Variants in ARHGEF7 observed in about 807,000 individuals in gnomAD.
ARHGEF7 encodes PAK-interacting exchange factor beta.
Under a neutral mutation model 109.8 loss-of-function variants are expected in ARHGEF7, and 33 were observed. The ratio of observed to expected loss-of-function variants is 0.30; its 90% CI spans 0.23 to 0.40. ARHGEF7 has a LOEUF of 0.40. Among genes scored for constraint, ARHGEF7 ranks in the 10% least tolerant of loss-of-function variants. The pLI is 1.00. For missense variants in ARHGEF7, 938 were observed against 1,098.5 expected, an observed-to-expected ratio of 0.85 and a Z score of 2.07; for synonymous variants, 458 against 424.6, an observed-to-expected ratio of 1.08 and a Z score of -0.97.
In ARHGEF7 at chr13:111,122,066, G is replaced by C. The variant is rs544334446; in HGVS notation, c.165+6375G>C. Among the ~76,000 whole-genome samples, 14 of 152,310 alleles carry C rather than the reference G, an allele frequency of 9.2e-5. 1 individual carries two copies. The highest frequency in any genetic ancestry group is 3.1e-4 in the African/African-American group (13 of 41,576). On this transcript the variant is annotated intron_variant, in intron 1 of 21. Coordinates refer to ENST00000646102, the MANE Select transcript of ARHGEF7 (RefSeq NM_001354046.2). ...AACACGGGTTAATTCTCACAACAGG[G>C]CAGACTCTTGCAACTTTCGGGGGCT...
intron 2 of ARHGEF7, among the ~76,000 whole-genome samples, chr13:111,160,541 TCTAGGGAGAGAC>T (rs1164395055): frequency 6.6e-6 from 1 of 152,238 alleles, no homozygotes; most frequent in South Asian, 2.1e-4. Context: ...AATCCCCACG[TCTAGGGAGAGAC>T]CTAGGGAGAG....
chr13:111,202,445 A>G (rs534909457), intron 2 of ARHGEF7, among the ~76,000 whole-genome samples: 1 of 152,288 alleles, frequency 6.6e-6, no homozygotes, highest in Non-Finnish European at 1.5e-5. Context: ...CCTGCTGAGA[A>G]TTGCTGCTCC....
intron 20 of ARHGEF7, 83 bp from the exon 21 acceptor site, chr13:111,301,395 T>C: frequency 8.7e-7 from 1 of 1,154,600 alleles, no homozygotes. Context: ...CCTCTCAGCA[T>C]CGTAGTGTCT....
chr13:111,130,180 G>A (rs765971783), intron 1 of ARHGEF7, among the ~76,000 whole-genome samples: 11 of 152,294 alleles, frequency 7.2e-5, no homozygotes, highest in East Asian at 1.9e-4. Context: ...TGCTCGCTTG[G>A]GGACAATAGC....
At position 111,186,909 on chromosome 13, in the gene ARHGEF7, G is replaced by A; in HGVS notation, c.253-18380G>A. ...CGACTACTTCTTTCCCCATTTCCCG[G>A]TCTGGTCTTTTTGGGGTCTACTACG... On this transcript the variant is annotated intron_variant, in intron 2 of 21. Transcript: ENST00000646102. 7 of 985,564 alleles carry A rather than the reference G, an allele frequency of 7.1e-6. No homozygotes were observed. The South Asian group carries it at 2.3e-4, about 33-fold the overall frequency. The allele number at this position is 985,564 out of a possible 1,614,324, so 61.1% of individuals were successfully genotyped here.
intron 2 of ARHGEF7, among the ~76,000 whole-genome samples, chr13:111,199,426 G>A (rs534456859): frequency 7.0e-4 from 107 of 152,328 alleles, no homozygotes; most frequent in Non-Finnish European, 1.2e-3. Context: ...ATTTCTGCTA[G>A]TAGTCGTCCT....
chr13:111,175,527 G>C (rs1269278957), intron 2 of ARHGEF7, among the ~76,000 whole-genome samples: 2 of 152,220 alleles, frequency 1.3e-5, no homozygotes, highest in African/African-American at 4.8e-5. Context: ...GAGCCTGCCT[G>C]CTGCAGGCTG....
intron 1 of ARHGEF7, among the ~76,000 whole-genome samples, chr13:111,133,168 T>C (rs1345260765): frequency 6.6e-6 from 1 of 152,128 alleles, no homozygotes; most frequent in African/African-American, 2.4e-5. Context: ...TATATGTGTA[T>C]ATATGTGCAC....
chr13:111,252,536 G>T (rs940159465), intron 8 of ARHGEF7, among the ~76,000 whole-genome samples: 5 of 152,240 alleles, frequency 3.3e-5, no homozygotes, highest in African/African-American at 9.6e-5. Flanking sequence ...GAAGAGAGCT[G>T]TAGAAGAATT....
At chr13:111,285,550 G>A (rs113864579) in intron 16 of ARHGEF7, among the ~76,000 whole-genome samples, 1,793 of 152,314 alleles carry the variant, frequency 0.012, 16 homozygotes, top group Middle Eastern at 0.037. Context: ...CCATTCCGTT[G>A]TGAACACTCT....
chr13:111,251,690 G>A (rs904776671), intron 8 of ARHGEF7, among the ~76,000 whole-genome samples: 4 of 152,234 alleles, frequency 2.6e-5, no homozygotes, highest in Non-Finnish European at 5.9e-5. Context: ...CTTAGGCATT[G>A]TAGTTAGTGC....
At chr13:111,212,278 A>G (rs1178167517) in intron 4 of ARHGEF7, among the ~76,000 whole-genome samples, 1 of 151,778 alleles carries the variant, frequency 6.6e-6, no homozygotes, top group Non-Finnish European at 1.5e-5. Flanking sequence ...GTCAGGGGAG[A>G]GTTCTTACCC....
At chr13:111,287,367 G>C (rs537279779) in intron 17 of ARHGEF7, among the ~76,000 whole-genome samples, 20 of 152,338 alleles carry the variant, frequency 1.3e-4, no homozygotes, top group Middle Eastern at 3.4e-3. Flanking sequence ...TCCTTCAGCA[G>C]ATCCAGGGGC....
chr13:111,267,777 A>G (rs2091785764), intron 9 of ARHGEF7, 107 bp downstream of exon 9: 10 of 1,336,012 alleles, frequency 7.5e-6, no homozygotes, highest in Admixed American at 2.4e-5. Context: ...ATTAAAGGGT[A>G]TGAATTTTAA....
intron 2 of ARHGEF7, among the ~76,000 whole-genome samples, chr13:111,186,375 T>G (rs901609582): frequency 1.3e-5 from 2 of 150,666 alleles, no homozygotes; most frequent in Non-Finnish European, 1.5e-5. Flanking sequence ...TTGATTTTCA[T>G]TTTAAAGTGA....
chr13:111,280,819 G>A, intron 15 of ARHGEF7, 142 bp downstream of exon 15: 1 of 995,942 alleles, frequency 1.0e-6, no homozygotes, highest in Non-Finnish European at 1.4e-6. Flanking sequence ...TTTCTCTGCA[G>A]ATCTTTGGCC....
chr13:111,275,022 G>T (rs911831259), intron 11 of ARHGEF7, among the ~76,000 whole-genome samples: 1 of 152,148 alleles, frequency 6.6e-6, no homozygotes, highest in African/African-American at 2.4e-5. Context: ...CTTTAAAATT[G>T]TTTAAAACAT....
Position 111,166,468 on chromosome 13 carries a change from C to T in ARHGEF7, c.252+12477C>T, listed in dbSNP as rs149051105. On this transcript the variant is annotated intron_variant, in intron 2 of 21. Coordinates refer to ENST00000646102, the MANE Select transcript of ARHGEF7 (RefSeq NM_001354046.2). Reference sequence around the variant, plus strand: ...AGACTGAAAGACTCAAGGGCAAAAGCACGGAAACCAAAGAGGACAGGATGG... The same window carrying T: ...AGACTGAAAGACTCAAGGGCAAAAGTACGGAAACCAAAGAGGACAGGATGG... Among the ~76,000 whole-genome samples the T allele has an allele frequency of 2.0e-3, 308 of 152,240 alleles. 1 individual carries two copies. The highest frequency in any genetic ancestry group is 3.8e-3 in the Non-Finnish European group (259 of 68,034).
intron 1 of ARHGEF7, among the ~76,000 whole-genome samples, chr13:111,135,281 G>A (rs865856104): frequency 3.9e-5 from 6 of 152,114 alleles, no homozygotes; most frequent in African/African-American, 7.2e-5. Context: ...TTGGCAATGC[G>A]GGCTCTTTTT....
Sources: allele counts gnomAD v4.1 joint callset (sites outside exome capture counted in the v4.1 genomes callset), GRCh38; gene constraint gnomAD v4.1.1; transcripts MANE v1.5; gene names NCBI Gene and HGNC (gene_info 2026-07-23, HGNC 2026-07-21).